TESC: variants seen among roughly 807,000 people sequenced by gnomAD.
TESC encodes the protein tescalcin.
In TESC, 19 loss-of-function variants were observed where a neutral mutation model predicts 31.0. The ratio of observed to expected loss-of-function variants is 0.61; its 90% confidence interval spans 0.43 to 0.90. TESC has a LOEUF of 0.90. TESC is among the 40% of genes least tolerant of loss of function. The probability of loss-of-function intolerance (pLI) is 0.00; values close to 1 mark genes in which losing one functional copy is unlikely to be tolerated. For synonymous variants in TESC, 109 were observed against 114.8 expected (o/e 0.95, Z 0.32); for missense variants, 248 against 303.8 (o/e 0.82, Z 1.36).
chr12:117,077,102 G>GT (rs765428004), intron 1 of TESC, among the ~76,000 whole-genome samples: 12 of 152,142 alleles, frequency 7.9e-5, no homozygotes, highest in Non-Finnish European at 1.5e-4. Context: ...CCTGCTCATT[G>GT]TTTTTTGGCC....
At chr12:117,070,140 C>T (rs186954267) in intron 2 of TESC, among the ~76,000 whole-genome samples, 2 of 152,336 alleles carry the variant, frequency 1.3e-5, no homozygotes, top group East Asian at 1.9e-4. Flanking sequence ...GGACAGCTTC[C>T]AAGATGTGCC....
At chr12:117,051,994 T>C (rs926983420) in intron 3 of TESC, among the ~76,000 whole-genome samples, 6 of 152,206 alleles carry the variant, frequency 3.9e-5, no homozygotes, top group Non-Finnish European at 7.3e-5. Context: ...AGACTGGTCT[T>C]GAACCCTGGC....
intron 7 of TESC, 104 bp from the exon 8 acceptor site, chr12:117,039,314 A>G (rs1002095684): frequency 9.1e-7 from 1 of 1,100,380 alleles, no homozygotes; most frequent in Non-Finnish European, 1.3e-6. Flanking sequence ...TCCTGCCACC[A>G]ACTGTGATGT....
At chr12:117,081,236 C>G (rs1320479069) in intron 1 of TESC, among the ~76,000 whole-genome samples, 1 of 152,098 alleles carries the variant, frequency 6.6e-6, no homozygotes, top group African/African-American at 2.4e-5. Flanking sequence ...CACACACCAG[C>G]CTGCCAAGAC....
intron 2 of TESC, among the ~76,000 whole-genome samples, chr12:117,069,797 CA>C (rs2135778784): frequency 6.6e-6 from 1 of 152,302 alleles, no homozygotes; most frequent in East Asian, 1.9e-4. Context: ...TTTAGAAATC[CA>C]GTTCTTCTTT....
At position 117,056,902 on chromosome 12, in the gene TESC, G is replaced by T. The variant is rs1404864819; in HGVS notation, c.129-16C>A. ...GTTCTCCTTGCTGGTTTCCAAGAAGGAGAGATACCGGGAAGAGAATAAGGA... is the reference window on the plus strand; with the variant it reads ...GTTCTCCTTGCTGGTTTCCAAGAAGTAGAGATACCGGGAAGAGAATAAGGA... On this transcript the variant is annotated splice_polypyrimidine_tract_variant and intron_variant, in intron 2 of 7. Coordinates refer to ENST00000335209, the MANE Select transcript of TESC (RefSeq NM_017899.4). 8.1e-6 allele frequency: 13 copies of T among 1,613,340 alleles called. No homozygotes were observed. The highest frequency in any genetic ancestry group is 2.2e-5 in the East Asian group (1 of 44,882).
chr12:117,043,805 G>A (rs1410166293), intron 6 of TESC, among the ~76,000 whole-genome samples: 1 of 152,208 alleles, frequency 6.6e-6, no homozygotes. Context: ...CCGGCCCTGA[G>A]TTGGGTTCTA....
chr12:117,072,181 C>T (rs746446866), intron 2 of TESC, among the ~76,000 whole-genome samples: 2 of 152,162 alleles, frequency 1.3e-5, no homozygotes, highest in Non-Finnish European at 2.9e-5. Flanking sequence ...TCAGATTAGA[C>T]CCTCAGGATG....
At chr12:117,055,262 C>T (rs1042128145) in intron 3 of TESC, among the ~76,000 whole-genome samples, 6 of 152,208 alleles carry the variant, frequency 3.9e-5, no homozygotes, top group African/African-American at 1.4e-4. Context: ...CTGCCTCAGC[C>T]TCCCGAGTAG....
At chr12:117,061,691 C>G (rs1396729649) in intron 2 of TESC, among the ~76,000 whole-genome samples, 1 of 152,122 alleles carries the variant, frequency 6.6e-6, no homozygotes, top group Non-Finnish European at 1.5e-5. Flanking sequence ...TACATCCACA[C>G]CTGACTCTCA....
In TESC at chr12:117,099,350, C is replaced by T; in HGVS notation, c.-68G>A. 2 of 1,337,790 alleles carry T rather than the reference C, an allele frequency of 1.5e-6. No homozygotes were observed. Among genetic ancestry groups the T allele is most frequent in the Admixed American group, 3.7e-5 (1 of 27,026 alleles). The allele number at this position is 1,337,790 out of a possible 1,614,324, so 82.9% of individuals were successfully genotyped here. On this transcript the variant is annotated 5_prime_UTR_variant, in exon 1 of 8. Coordinates refer to ENST00000335209, the MANE Select transcript of TESC (RefSeq NM_017899.4). ...CCCCGCACTGGCTTCGGCTGCGCAG[C>T]GGCGGGACTGGCCTCGGGTCCGGCC...
At chr12:117,062,601 C>T (rs528193137) in intron 2 of TESC, among the ~76,000 whole-genome samples, 21 of 151,170 alleles carry the variant, frequency 1.4e-4, no homozygotes, top group South Asian at 1.3e-3. Flanking sequence ...CTGGCGGACC[C>T]AGGCAGTGGC....
chr12:117,071,889 T>G (rs896673047), intron 2 of TESC, among the ~76,000 whole-genome samples: 6 of 152,178 alleles, frequency 3.9e-5, no homozygotes, highest in Admixed American at 1.3e-4. Flanking sequence ...CTGTCCACAG[T>G]GCTGGGCAAC....
intron 2 of TESC, among the ~76,000 whole-genome samples, chr12:117,074,213 A>T (rs1358925363): frequency 2.0e-5 from 3 of 151,916 alleles, no homozygotes; most frequent in Non-Finnish European, 4.4e-5. Flanking sequence ...AAAAGTAAAT[A>T]AAAAATTACC....
chr12:117,050,820 G>A (rs997010744), intron 3 of TESC, among the ~76,000 whole-genome samples: 2 of 152,162 alleles, frequency 1.3e-5, no homozygotes, highest in African/African-American at 4.8e-5. Flanking sequence ...AGCTACTTAG[G>A]GGGCTGAGGT....
At chr12:117,082,704 A>G (rs924240433) in intron 1 of TESC, among the ~76,000 whole-genome samples, 1 of 152,202 alleles carries the variant, frequency 6.6e-6, no homozygotes, top group African/African-American at 2.4e-5. Context: ...GAAAGTTCAT[A>G]TTGATATACA....
chr12:117,063,672 C>A (rs927362355), intron 2 of TESC, among the ~76,000 whole-genome samples: 6 of 152,178 alleles, frequency 3.9e-5, no homozygotes, highest in African/African-American at 1.4e-4. Context: ...TGAGGGAGGC[C>A]ACTTTGCCGG....
intron 3 of TESC, among the ~76,000 whole-genome samples, chr12:117,050,172 A>T (rs1178405496): frequency 6.6e-6 from 1 of 152,156 alleles, no homozygotes; most frequent in Non-Finnish European, 1.5e-5. Context: ...ATTTCATGAC[A>T]AGTGAAAATT....
chr12:117,077,545 G>A (rs1364471154), intron 1 of TESC, among the ~76,000 whole-genome samples: 1 of 152,242 alleles, frequency 6.6e-6, no homozygotes, highest in African/African-American at 2.4e-5. Flanking sequence ...GCAGAGTAGA[G>A]TGCTAATGTG....
Sources: allele counts gnomAD v4.1 joint callset (sites outside exome capture counted in the v4.1 genomes callset), GRCh38; gene constraint gnomAD v4.1.1; transcripts MANE v1.5; gene names NCBI Gene and HGNC (gene_info 2026-07-23, HGNC 2026-07-21).